The following SCAI variants were observed in gnomAD, a reference collection of about 807,000 sequenced individuals.
SCAI encodes the protein suppressor of cancer cell invasion.
In SCAI, 24 loss-of-function variants were observed where a neutral mutation model predicts 92.2. The observed-to-expected ratio is 0.26, with a 90% CI of 0.19 to 0.37. SCAI has a LOEUF of 0.37. Ranked by LOEUF, SCAI falls within the 10% of genes least tolerant of loss-of-function variation. The pLI is 1.00. For synonymous variants in SCAI, 261 were observed against 258.6 expected, an observed-to-expected ratio of 1.01 and a Z score of -0.09; for missense variants, 450 against 736.2, an observed-to-expected ratio of 0.61 and a Z score of 4.50.
At chr9:125,045,528 G>T (rs1054064917) in intron 3 of SCAI, among the ~76,000 whole-genome samples, 1 of 152,128 alleles carries the variant, frequency 6.6e-6, no homozygotes, top group Admixed American at 6.5e-5. Context: ...TGTAGACGGG[G>T]TCTCACTTTG....
intron 9 of SCAI, among the ~76,000 whole-genome samples, chr9:125,015,845 C>T (rs10986520): frequency 2.6e-5 from 4 of 151,600 alleles, no homozygotes; most frequent in Non-Finnish European, 5.9e-5. Flanking sequence ...GAATACTATG[C>T]GGCCATAAAA....
chr9:125,081,746 A>T (rs1462609647), intron 2 of SCAI, among the ~76,000 whole-genome samples: 2 of 151,610 alleles, frequency 1.3e-5, no homozygotes, highest in African/African-American at 4.8e-5. Flanking sequence ...CTAATTTTTT[A>T]TATTTTTTAT....
At chr9:125,078,483 ACG>A (rs1834141095) in intron 2 of SCAI, among the ~76,000 whole-genome samples, 2 of 152,128 alleles carry the variant, frequency 1.3e-5, no homozygotes, top group African/African-American at 4.8e-5. Context: ...AGCTGAGATC[ACG>A]CCACTGCACT....
chr9:124,992,654 G>A (rs150197040), intron 14 of SCAI, among the ~76,000 whole-genome samples: 4,072 of 152,228 alleles, frequency 0.027, 202 homozygotes, highest in African/African-American at 0.091. Context: ...AAAGTGCTGG[G>A]ATTACAGGCA....
intron 17 of SCAI, among the ~76,000 whole-genome samples, chr9:124,960,048 C>T (rs915430716): frequency 6.6e-6 from 1 of 152,048 alleles, no homozygotes; most frequent in African/African-American, 2.4e-5. Context: ...TGGGTATATA[C>T]CCAGTAATGG....
intron 2 of SCAI, among the ~76,000 whole-genome samples, chr9:125,059,182 G>C (rs1314523520): frequency 6.6e-6 from 1 of 152,164 alleles, no homozygotes; most frequent in Non-Finnish European, 1.5e-5. Context: ...AAAGTCCCAT[G>C]CGATGAGAAG....
chr9:124,975,656 C>T (rs973863881), intron 15 of SCAI, among the ~76,000 whole-genome samples: 2 of 152,078 alleles, frequency 1.3e-5, no homozygotes, highest in Non-Finnish European at 2.9e-5. Context: ...ATAAAAGAAA[C>T]ACTTTAAGTT....
intron 17 of SCAI, among the ~76,000 whole-genome samples, chr9:124,954,922 C>A (rs1831290527): frequency 6.6e-6 from 1 of 152,084 alleles, no homozygotes; most frequent in South Asian, 2.1e-4. Flanking sequence ...TCCCAGCACA[C>A]TGGGAGGCCA....
At chr9:125,074,091 C>A (rs1834035327) in intron 2 of SCAI, among the ~76,000 whole-genome samples, 1 of 151,680 alleles carries the variant, frequency 6.6e-6, no homozygotes, top group South Asian at 2.1e-4. Flanking sequence ...AACCCCGTCT[C>A]TACTAAAAAT....
chr9:125,042,638 C>CGTGTGTGTGTGTGT (rs1564390399), intron 3 of SCAI, among the ~76,000 whole-genome samples: 44 of 73,574 alleles, frequency 6.0e-4, no homozygotes, highest in African/African-American at 1.6e-3. Context: ...TGTGTGTACA[C>CGTGTGTGTGTGTGT]ACACACACAC....
chr9:125,050,561 G>T (rs1044988073), intron 3 of SCAI, among the ~76,000 whole-genome samples: 1 of 152,212 alleles, frequency 6.6e-6, no homozygotes, highest in South Asian at 2.1e-4. Flanking sequence ...ATTGAACAAA[G>T]AACACTTTTT....
At chr9:124,982,679 CAAAAAAAAAAAA>C (rs35467160) in intron 14 of SCAI, among the ~76,000 whole-genome samples, 1 of 74,092 alleles carries the variant, frequency 1.3e-5, no homozygotes, top group Non-Finnish European at 2.7e-5. Flanking sequence ...GACTCTGTCT[CAAAAAAAAAAAA>C]AAAAAAAAAA....
At chr9:124,959,547 T>A (rs1286846595) in intron 17 of SCAI, among the ~76,000 whole-genome samples, 1 of 150,268 alleles carries the variant, frequency 6.7e-6, no homozygotes, top group Non-Finnish European at 1.5e-5. Flanking sequence ...CATATATATA[T>A]ATATAAAATA....
chr9:125,032,195 A>ATATATATATATTTTT (rs1177865840), intron 3 of SCAI, among the ~76,000 whole-genome samples: 1 of 99,448 alleles, frequency 1.0e-5, no homozygotes, highest in East Asian at 3.3e-4. Context: ...ATATATATAT[A>ATATATATATATTTTT]TTTTTTTTTT....
At chr9:125,098,538 T>C (rs1157607157) in intron 2 of SCAI, among the ~76,000 whole-genome samples, 1 of 152,174 alleles carries the variant, frequency 6.6e-6, no homozygotes, top group African/African-American at 2.4e-5. Context: ...GTAACAAGAT[T>C]GTTTTCATCT....
intron 2 of SCAI, among the ~76,000 whole-genome samples, chr9:125,108,500 G>A (rs376566407): frequency 7.9e-5 from 12 of 151,690 alleles, no homozygotes; most frequent in Non-Finnish European, 1.0e-4. Flanking sequence ...TCTGGGATGT[G>A]AGGAGCGTCT....
chr9:125,020,115 AAACC>A (rs1832840594), intron 7 of SCAI, among the ~76,000 whole-genome samples: 1 of 152,092 alleles, frequency 6.6e-6, no homozygotes, highest in Admixed American at 6.6e-5. Flanking sequence ...AAAACCCAAA[AAACC>A]AACTGGCATG....
intron 2 of SCAI, among the ~76,000 whole-genome samples, chr9:125,108,095 AG>A (rs1834842809): frequency 2.6e-5 from 4 of 152,222 alleles, no homozygotes. Flanking sequence ...GGGCCTCCCG[AG>A]GTGCCGGGAT....
intron 2 of SCAI, among the ~76,000 whole-genome samples, chr9:125,057,164 T>A (rs974660161): frequency 2.0e-5 from 3 of 152,192 alleles, no homozygotes; most frequent in African/African-American, 4.8e-5. Context: ...AATAATGTGA[T>A]ACAATTGGTG....
Sources: gnomAD v4.1 joint callset for allele counts (sites outside exome capture counted in the v4.1 genomes callset) on GRCh38, gnomAD v4.1.1 for gene constraint, MANE v1.5 for transcripts, NCBI Gene and HGNC (gene_info 2026-07-23, HGNC 2026-07-21) for gene names.